SYN2: variants seen among roughly 807,000 people sequenced by gnomAD.
SYN2 encodes synapsin-2.
Under a neutral mutation model 50.9 loss-of-function variants are expected in SYN2, and 19 were observed. The ratio of observed to expected loss-of-function variants is 0.37; its 90% confidence interval spans 0.26 to 0.55. The LOEUF is 0.55. Among genes scored for constraint, SYN2 ranks in the 20% least tolerant of loss-of-function variants. The pLI is 0.81. For synonymous variants in SYN2, 255 were observed against 224.9 expected (o/e 1.13, Z -1.20); for missense variants, 587 against 576.4 (o/e 1.02, Z -0.19).
chr3:12,130,151 CAT>C (rs770384744), intron 1 of SYN2, among the ~76,000 whole-genome samples: 2 of 150,634 alleles, frequency 1.3e-5, no homozygotes, highest in African/African-American at 4.9e-5. Context: ...TGTGTGTGTA[CAT>C]ATATATATGT....
Position 12,077,716 on chromosome 3 carries a change from A to G in SYN2, c.378-62935A>G, listed in dbSNP as rs535202609. On this transcript the variant is annotated intron_variant, in intron 1 of 12. Coordinates refer to ENST00000621198, the MANE Select transcript of SYN2 (RefSeq NM_133625.6). The stretch of plus-strand genomic sequence containing the variant: ...GTACCACATTTTCTTTATCTGGTCT[A>G]TCCTTGATGGGCATTTGGGTTGATT... Among the ~76,000 whole-genome samples, 277 of 152,206 alleles carry G rather than the reference A, an allele frequency of 1.8e-3. 1 individual carries two copies. The highest frequency in any genetic ancestry group is 6.4e-3 in the African/African-American group (265 of 41,514).
chr3:12,185,096 A>G (rs751186241), intron 11 of SYN2: 287 of 985,700 alleles, frequency 2.9e-4, no homozygotes, highest in Non-Finnish European at 3.3e-4. Flanking sequence ...TGTCATCTGT[A>G]ATCCCTCCCT....
intron 7 of SYN2, among the ~76,000 whole-genome samples, chr3:12,162,387 C>T (rs371696974): frequency 7.9e-5 from 12 of 152,104 alleles, no homozygotes; most frequent in East Asian, 3.9e-4. Flanking sequence ...TGAACAGAGA[C>T]GACAGACTAC....
intron 5 of SYN2, chr3:12,154,229 C>T (rs1213346747): frequency 1.3e-6 from 2 of 1,549,102 alleles, no homozygotes; most frequent in South Asian, 1.2e-5. Context: ...CAGTGCAGAT[C>T]TCAAGTATAG....
chr3:12,183,096 C>G (rs1698259342), intron 10 of SYN2, among the ~76,000 whole-genome samples: 1 of 152,166 alleles, frequency 6.6e-6, no homozygotes, highest in Non-Finnish European at 1.5e-5. Context: ...AGAGTGGCTC[C>G]AAGCCCCAGA....
At chr3:12,111,431 T>G (rs1447756427) in intron 1 of SYN2, among the ~76,000 whole-genome samples, 1 of 152,206 alleles carries the variant, frequency 6.6e-6, no homozygotes, top group African/African-American at 2.4e-5. Context: ...CTGTATATAC[T>G]TAGCATGGTA....
At position 12,042,153 on chromosome 3, in the gene SYN2, G is replaced by A. The variant is rs111937930; in HGVS notation, c.377+37225G>A. On this transcript the variant is annotated intron_variant, in intron 1 of 12. Transcript: ENST00000621198. ...CCCCATGGAATTTAAGATGGTACCT[G>A]GCATGTATCAGTATATTTGGTTAAA... is the stretch of plus-strand genomic sequence containing the variant. 2.5e-3 allele frequency among the ~76,000 whole-genome samples: 378 copies of A among 152,254 alleles called. 1 individual carries two copies. The highest frequency in any genetic ancestry group is 3.4e-3 in the Non-Finnish European group (233 of 68,022).
intron 1 of SYN2, among the ~76,000 whole-genome samples, chr3:12,037,974 G>GTT (rs1015503762): frequency 6.6e-6 from 1 of 152,074 alleles, no homozygotes; most frequent in African/African-American, 2.4e-5. Flanking sequence ...TAAAGAAACT[G>GTT]TTGCCTAATC....
intron 11 of SYN2, among the ~76,000 whole-genome samples, chr3:12,186,132 G>T (rs1245636478): frequency 6.7e-6 from 1 of 150,148 alleles, no homozygotes; most frequent in Non-Finnish European, 1.5e-5. Context: ...CAGATGTTCT[G>T]GTGTTTCTTA....
chr3:12,154,649 C>G (rs996328972), intron 5 of SYN2, among the ~76,000 whole-genome samples: 1 of 152,170 alleles, frequency 6.6e-6, no homozygotes, highest in African/African-American at 2.4e-5. Context: ...TATGTTTGTA[C>G]GAGGCAGAGT....
intron 1 of SYN2, among the ~76,000 whole-genome samples, chr3:12,130,703 G>A (rs1696779203): frequency 6.6e-6 from 1 of 152,196 alleles, no homozygotes; most frequent in African/African-American, 2.4e-5. Flanking sequence ...CTTTGTATAA[G>A]GCAGTGGTGA....
chr3:12,005,139 A>C (rs1175003018), intron 1 of SYN2, among the ~76,000 whole-genome samples: 1 of 152,132 alleles, frequency 6.6e-6, no homozygotes, highest in African/African-American at 2.4e-5. Flanking sequence ...ACCCAAAGCT[A>C]AAATACCCCT....
chr3:12,010,382 G>A lies in SYN2; in HGVS notation c.377+5454G>A, dbSNP rs1371938843. Among the ~76,000 whole-genome samples the A allele has an allele frequency of 2.6e-5, 4 of 152,224 alleles. No individual in the cohort carries two copies. In the East Asian group the frequency reaches 7.7e-4, roughly 29 times the overall value. The stretch of plus-strand genomic sequence containing the variant: ...TGCATACCTCCTCAAATTTACAAGG[G>A]ATATAAGGATTAAACACAGGCCATG... On this transcript the variant is annotated intron_variant, in intron 1 of 12. Transcript: ENST00000621198.
intron 1 of SYN2, among the ~76,000 whole-genome samples, chr3:12,137,091 T>A (rs947575375): frequency 2.6e-5 from 4 of 151,732 alleles, no homozygotes; most frequent in African/African-American, 7.3e-5. Context: ...ACAAAAAAAA[T>A]TTAAAAATTA....
At chr3:12,035,397 C>T (rs1274246360) in intron 1 of SYN2, among the ~76,000 whole-genome samples, 1 of 152,212 alleles carries the variant, frequency 6.6e-6, no homozygotes. Flanking sequence ...CTGAACCAAA[C>T]TTGGGTCCAT....
intron 1 of SYN2, among the ~76,000 whole-genome samples, chr3:12,087,409 C>G (rs1432017272): frequency 1.3e-5 from 2 of 152,020 alleles, no homozygotes; most frequent in East Asian, 3.8e-4. Flanking sequence ...CTAAAGCAAT[C>G]CTGAGCAAGA....
chr3:12,148,030 C>T (rs561548353), intron 4 of SYN2, among the ~76,000 whole-genome samples: 8 of 151,988 alleles, frequency 5.3e-5, no homozygotes, highest in Non-Finnish European at 1.5e-5. Context: ...GGGAGAATGG[C>T]GTGAACCCGG....
intron 1 of SYN2, among the ~76,000 whole-genome samples, chr3:12,107,845 T>C (rs141591887): frequency 2.0e-5 from 3 of 152,344 alleles, no homozygotes; most frequent in African/African-American, 7.2e-5. Flanking sequence ...CATGTGACTA[T>C]AGAAGTCCTA....
chr3:12,021,194 A>G (rs1290420755), intron 1 of SYN2, among the ~76,000 whole-genome samples: 1 of 152,214 alleles, frequency 6.6e-6, no homozygotes, highest in South Asian at 2.1e-4. Flanking sequence ...CCATTATGAC[A>G]TAGTACAACC....
Sources: gnomAD v4.1 joint callset for allele counts (sites outside exome capture counted in the v4.1 genomes callset) on GRCh38, gnomAD v4.1.1 for gene constraint, MANE v1.5 for transcripts, NCBI Gene and HGNC (gene_info 2026-07-23, HGNC 2026-07-21) for gene names.